DPH1: variants seen among roughly 807,000 people sequenced by gnomAD.
DPH1 encodes the protein 2-(3-amino-3-carboxypropyl)histidine synthase subunit 1.
DPH1 carries 59 observed loss-of-function variants against 55.3 expected under a neutral mutation model. That is an observed-to-expected ratio of 1.07 (90% CI 0.87 to 1.33). The LOEUF is 1.33. Ranked by LOEUF, DPH1 falls within the 40% of genes most tolerant of loss-of-function variation. DPH1 has a pLI of 0.00. For missense variants in DPH1, 628 were observed against 584.8 expected, an observed-to-expected ratio of 1.07 and a Z score of -0.76; for synonymous variants, 238 against 235.5, an observed-to-expected ratio of 1.01 and a Z score of -0.10.
In DPH1 at chr17:2,037,133, C is replaced by T. The variant is rs201996686; in HGVS notation, c.680+177C>T. On this transcript the variant is annotated intron_variant, in intron 6 of 12. Transcript: ENST00000263083. ...CAGACCTCAGGTTTACTGTCGCTTT[C>T]TCCACTGCCCAGTCCATCATCCAGA... The T allele has an allele frequency of 1.5e-4, 135 of 881,474 alleles. 1 individual carries two copies. The East Asian group carries it at 3.7e-3, about 24-fold the overall frequency. The allele number at this position is 881,474 out of a possible 1,614,324, so 54.6% of individuals were successfully genotyped here.
chr17:2,041,747 A>G lies in DPH1; in HGVS notation c.1228-21A>G, dbSNP rs7216804. 0.78 allele frequency: 1,241,375 copies of G among 1,594,882 alleles called. 484,442 individuals carry two copies. The highest frequency in any genetic ancestry group is 0.94 in the East Asian group (41,167 of 43,882). On this transcript the variant is annotated intron_variant, in intron 11 of 12. Coordinates refer to ENST00000263083, the MANE Select transcript of DPH1 (RefSeq NM_001383.6). ...CGCAGGGTCGCAGGAGCGAGACCCT[A>G]ACCAAAGTCTGCGACCTCAGGTGCA...
chr17:2,037,675 G>C (rs944970254), intron 6 of DPH1, among the ~76,000 whole-genome samples: 5 of 152,220 alleles, frequency 3.3e-5, no homozygotes, highest in African/African-American at 1.2e-4. Context: ...CTGAGTGTTA[G>C]CCATTCATCA....
At chr17:2,033,709 A>G in intron 2 of DPH1, 52 bp downstream of exon 2, 1 of 1,613,946 alleles carries the variant, frequency 6.2e-7, no homozygotes. Flanking sequence ...TGCCTGGCCC[A>G]GATGGGACAG....
intron 3 of DPH1, chr17:2,034,921 G>A (rs1361913962): frequency 7.6e-6 from 1 of 131,546 alleles, no homozygotes. Flanking sequence ...CTTGCCCCTT[G>A]GGGATGCTCT....
Position 2,041,085 on chromosome 17 carries a change from C to A in DPH1, c.1008-18C>A, listed in dbSNP as rs775959248. Reference sequence around the variant, plus strand: ...CGAGGAGGCCCTTCCTAGGGTCTGACCTGGCTTCCCTTCCCAGGTGGGTGC... The same window carrying A: ...CGAGGAGGCCCTTCCTAGGGTCTGAACTGGCTTCCCTTCCCAGGTGGGTGC... On this transcript the variant is annotated intron_variant, in intron 9 of 12. Coordinates refer to ENST00000263083, the MANE Select transcript of DPH1 (RefSeq NM_001383.6). The A allele has an allele frequency of 1.9e-6, 3 of 1,589,148 alleles. No homozygotes were observed. Among genetic ancestry groups the A allele is most frequent in the Non-Finnish European group, 2.6e-6 (3 of 1,166,804 alleles).
rs1262165274 is a variant in DPH1 at position 2,041,838 on chromosome 17, T to C, written c.1298T>C (p.Val433Ala). The C allele has an allele frequency of 1.2e-6, 2 of 1,600,390 alleles. No individual in the cohort carries two copies. The highest frequency in any genetic ancestry group is 1.7e-6 in the Non-Finnish European group (2 of 1,175,296). Residue 433 changes from valine (V) to alanine (A), a missense_variant, in exon 12 of 13, where the codon GTG becomes GCG. Physicochemically the swap from Val to Ala is moderately conservative, Grantham distance 64 (BLOSUM62 0). Transcript: ENST00000263083. ...CEDCSCRDEK[V>A]APLAP ...GACTGCAGCTGCAGGGACGAGAAGG[T>C]GGCGCCGCTGGCTCCTTGACGCGCT...
chr17:2,031,479 T>C (rs2067330886), intron 1 of DPH1, among the ~76,000 whole-genome samples: 2 of 149,680 alleles, frequency 1.3e-5, no homozygotes, highest in Admixed American at 1.4e-4. Context: ...GGAGAATTGC[T>C]TGAGTCCGAG....
Position 2,031,565 on chromosome 17 carries a change from CAA to C in DPH1, c.61+1357_61+1358del, listed in dbSNP as rs56410346. Reference sequence around the variant, plus strand: ...CAACAGACAGAGTGAGACTCTGTCTCAAAAAAAAAAAAAAAAAAAAAAATTAG... The same window carrying C: ...CAACAGACAGAGTGAGACTCTGTCTCAAAAAAAAAAAAAAAAAAAAATTAG... On this transcript the variant is annotated intron_variant, in intron 1 of 12. Coordinates refer to ENST00000263083, the MANE Select transcript of DPH1 (RefSeq NM_001383.6). 7.0e-3 allele frequency among the ~76,000 whole-genome samples: 487 copies of C among 69,636 alleles called. 2 individuals are homozygous for C. The highest frequency in any genetic ancestry group is 0.025 in the African/African-American group (444 of 17,690). The allele number at this position is 69,636 out of a possible 152,430, so 45.7% of individuals were successfully genotyped here.
chr17:2,038,714 T>C (rs2067464189), intron 6 of DPH1, among the ~76,000 whole-genome samples: 1 of 152,204 alleles, frequency 6.6e-6, no homozygotes, highest in Non-Finnish European at 1.5e-5. Context: ...ACAAAACCTG[T>C]TCCCAGTGCC....
At position 2,033,723 on chromosome 17, in the gene DPH1, C is replaced by G. The variant is rs1248432976; in HGVS notation, c.215-56C>G. The G allele has an allele frequency of 1.1e-5, 17 of 1,613,704 alleles. No individual in the cohort carries two copies. In the South Asian group the frequency reaches 1.6e-4, roughly 16 times the overall value. Reference sequence around the variant, plus strand: ...TTGCCTGGCCCAGATGGGACAGTGTCCCCCTTGCAGCCCCTTCCTAGCCCT... The same window carrying G: ...TTGCCTGGCCCAGATGGGACAGTGTGCCCCTTGCAGCCCCTTCCTAGCCCT... On this transcript the variant is annotated intron_variant, in intron 2 of 12. Transcript: ENST00000263083.
In DPH1 at chr17:2,039,623, C is replaced by T. The variant is rs549400357; in HGVS notation, c.681-132C>T. 226 of 1,005,480 alleles carry T rather than the reference C, an allele frequency of 2.2e-4. No individual in the cohort carries two copies. In the East Asian group the frequency reaches 3.4e-3, roughly 15 times the overall value. 62.3% of individuals were successfully genotyped at this position (1,005,480 alleles called of 1,614,324 possible). On this transcript the variant is annotated intron_variant, in intron 6 of 12. Coordinates refer to ENST00000263083, the MANE Select transcript of DPH1 (RefSeq NM_001383.6). ...CGATCTCCTGACCTCATGATCCGCC[C>T]GCCTCGGTCTCCCAAAGTGCTGGGA... is the stretch of plus-strand genomic sequence containing the variant.
In DPH1 at chr17:2,042,634, G is replaced by A. The variant is rs753330182; in HGVS notation, c.*48G>A. The A allele has an allele frequency of 1.3e-6, 2 of 1,520,700 alleles. No homozygotes were observed. The highest frequency in any genetic ancestry group is 2.3e-5 in the Admixed American group (1 of 44,194). The allele number at this position is 1,520,700 out of a possible 1,614,324, so 94.2% of individuals were successfully genotyped here. ...CTGCCCTCCGGAGGAGCAGCCTCGA[G>A]GCTGGTGGTTTTCAGAGCAGGAGGC... On this transcript the variant is annotated 3_prime_UTR_variant, in exon 13 of 13. Coordinates refer to ENST00000263083, the MANE Select transcript of DPH1 (RefSeq NM_001383.6).
intron 1 of DPH1, among the ~76,000 whole-genome samples, chr17:2,031,922 G>A (rs1300711471): frequency 6.6e-6 from 1 of 152,104 alleles, no homozygotes; most frequent in Non-Finnish European, 1.5e-5. Flanking sequence ...TAAGGGACAA[G>A]GTCACTTTTC....
In DPH1 at chr17:2,036,373, A is replaced by T; in HGVS notation, c.401-156A>T. 3 of 1,118,134 alleles carry T rather than the reference A, an allele frequency of 2.7e-6. No individual in the cohort carries two copies. The highest frequency in any genetic ancestry group is 3.1e-5 in the South Asian group (2 of 65,524). The allele number at this position is 1,118,134 out of a possible 1,614,324, so 69.3% of individuals were successfully genotyped here. ...TGACAGAGAAGTCTGATTGAGAAGG[A>T]GCTTCTAGGGGATCTGTGACCCCCC... On this transcript the variant is annotated intron_variant, in intron 4 of 12. Transcript: ENST00000263083. The surrounding 1 kb of genome is among the most constrained non-coding windows in gnomAD (Gnocchi z 4.8).
In DPH1 at chr17:2,042,987, A is replaced by C; in HGVS notation, c.*401A>C. On this transcript the variant is annotated 3_prime_UTR_variant, in exon 13 of 13. Transcript: ENST00000263083. ...TCATCCCCTCTCAGGAGAGTGTGCA[A>C]CTGGCCAGCCAATTTCCCGGAGCCA... 1 of 1,613,924 alleles carries C rather than the reference A, an allele frequency of 6.2e-7. No individual in the cohort carries two copies. The highest frequency in any genetic ancestry group is 1.1e-5 in the South Asian group (1 of 91,080).
Position 2,033,545 on chromosome 17 carries a change from T to C in DPH1, c.102T>C (p.Pro34=). The change falls in exon 2 of 13, where the codon CCT becomes CCC. Residue 34 remains proline, a synonymous_variant. Transcript: ENST00000263083. Reference sequence around the variant, plus strand: ...GCCGCGTGGCCAATCAGATCCCCCCTGAGATCCTGAAGAACCCTCAGCTGC... The same window carrying C: ...GCCGCGTGGCCAATCAGATCCCCCCCGAGATCCTGAAGAACCCTCAGCTGC... The part of the protein sequence containing the change: ...PRGRVANQIP[P]EILKNPQLQA... 6.2e-7 allele frequency: 1 copy of C among 1,606,788 alleles called. No homozygotes were observed. The highest frequency in any genetic ancestry group is 1.1e-5 in the South Asian group (1 of 90,944).
chr17:2,041,360 C>G, intron 10 of DPH1, 121 bp from the exon 11 acceptor site: 1 of 1,480,622 alleles, frequency 6.8e-7, no homozygotes, highest in Non-Finnish European at 9.1e-7. Context: ...CTGAACCACA[C>G]AGTTCCCTTC....
rs769334106 is a variant in DPH1, at chr17:2,033,642, G to A, written c.199G>A (p.Ala67Thr). The A allele has an allele frequency of 8.7e-6, 14 of 1,614,102 alleles. No homozygotes were observed. The African/African-American group carries it at 1.7e-4, about 20-fold the overall frequency. The stretch of plus-strand genomic sequence containing the variant: ...CAAGACCATCTGGAGGATCCAACAA[G>A]CCCAGGCCAAGAAGGGTGAGCCTGT... Reference protein sequence around the residue: ...IPKTIWRIQQAQAKKVALQMP... With the variant: ...IPKTIWRIQQTQAKKVALQMP... The change falls in exon 2 of 13, where the codon GCC (alanine) becomes ACC (threonine). Residue 67 changes from alanine (A) to threonine (T), a missense_variant. Physicochemically the swap from Ala to Thr is moderately conservative, Grantham distance 58. Coordinates refer to ENST00000263083, the MANE Select transcript of DPH1 (RefSeq NM_001383.6).
chr17:2,041,661 G>T, intron 11 of DPH1, 40 bp downstream of exon 11: 1 of 1,587,966 alleles, frequency 6.3e-7, no homozygotes, highest in South Asian at 1.1e-5. Flanking sequence ...GACCGCGCCT[G>T]GGCACTGGCC....
Sources: gnomAD v4.1 joint callset for allele counts (sites outside exome capture counted in the v4.1 genomes callset) on GRCh38, gnomAD v4.1.1 for gene constraint, Gnocchi (gnomAD v3.1) non-coding constraint, MANE v1.5 for transcripts, NCBI Gene and HGNC (gene_info 2026-07-23, HGNC 2026-07-21) for gene names.